KCNMB3: variants seen among roughly 807,000 people sequenced by gnomAD.
KCNMB3 encodes the protein potassium calcium-activated channel subfamily M regulatory beta subunit 3, also known as calcium-activated potassium channel subunit beta-3.
A neutral mutation model predicts 11.9 loss-of-function variants in KCNMB3; 18 were observed. The ratio of observed to expected loss-of-function variants is 1.51; its 90% confidence interval spans 1.04 to 2.23. The LOEUF (loss-of-function observed/expected upper bound fraction) is 2.23. Ranked by LOEUF, KCNMB3 falls within the 30% of genes most tolerant of loss-of-function variation. The pLI is 0.00. For missense variants in KCNMB3, 247 were observed against 329.4 expected (o/e 0.75, Z 1.94); for synonymous variants, 78 against 119.2 (o/e 0.65, Z 2.25).
chr3:179,259,678 C>A, intron 1 of KCNMB3: 1 of 1,606,068 alleles, frequency 6.2e-7, no homozygotes, highest in Non-Finnish European at 8.5e-7. Context: ...TTTTAAACAT[C>A]TTTAAGGGTT....
At chr3:179,260,810 C>G (rs984299668) in intron 1 of KCNMB3, 31 of 1,337,784 alleles carry the variant, frequency 2.3e-5, no homozygotes, top group African/African-American at 4.4e-5. Flanking sequence ...TTCGTACTGC[C>G]GCCTATATTC....
upstream of KCNMB3, among the ~76,000 whole-genome samples, chr3:179,252,546 T>C (rs916616172): frequency 6.6e-6 from 1 of 152,092 alleles, no homozygotes; most frequent in Non-Finnish European, 1.5e-5. Flanking sequence ...ATCCAGAATG[T>C]TCCAAGAGCC....
In KCNMB3 at chr3:179,244,476, T is replaced by C. The variant is rs773184469; in HGVS notation, c.447+19A>G. ...AGGGAAGGGTTGCTGTCATAAGAAC[T>C]CTTTAAACTTTACAATACCTTGGGA... On this transcript the variant is annotated intron_variant, in intron 2 of 2. Transcript: ENST00000392685. The C allele has an allele frequency of 8.7e-6, 14 of 1,604,444 alleles. No homozygotes were observed. Among genetic ancestry groups the C allele is most frequent in the East Asian group, 4.5e-5 (2 of 44,842 alleles).
chr3:179,255,837 GT>G (rs1391466552), upstream of KCNMB3, among the ~76,000 whole-genome samples: 8 of 152,162 alleles, frequency 5.3e-5, no homozygotes, highest in African/African-American at 1.9e-4. Flanking sequence ...TAACTTCAAA[GT>G]AATGACAATT....
chr3:179,249,852 G>A (rs1281087946), intron 1 of KCNMB3, among the ~76,000 whole-genome samples: 1 of 152,132 alleles, frequency 6.6e-6, no homozygotes, highest in Non-Finnish European at 1.5e-5. Context: ...TGGACACCTA[G>A]AGGGGAGCAA....
chr3:179,261,012 T>C (rs1576964208), intron 1 of KCNMB3: 1 of 975,682 alleles, frequency 1.0e-6, no homozygotes, highest in East Asian at 2.4e-5. Flanking sequence ...GTGTCTCCGC[T>C]GCCTCTCTGA....
rs560812084 is a variant in KCNMB3, at chr3:179,248,633, C to T, written c.248+2110G>A. Among the ~76,000 whole-genome samples, 8 of 150,854 alleles carry T rather than the reference C, an allele frequency of 5.3e-5. No individual in the cohort carries two copies. In the East Asian group the frequency reaches 1.6e-3, roughly 30 times the overall value. ...GTCCCAGCTACTTGGGAGGCTGAGG[C>T]AGGAGGATCGCCTGAGCCCAGGAGG... On this transcript the variant is annotated intron_variant, in intron 1 of 2. Transcript: ENST00000392685.
chr3:179,249,606 G>A (rs1178950196), intron 1 of KCNMB3, among the ~76,000 whole-genome samples: 1 of 152,148 alleles, frequency 6.6e-6, no homozygotes, highest in Admixed American at 6.5e-5. Flanking sequence ...TCGGGAGGCA[G>A]AGGTTGCAGT....
chr3:179,255,139 T>C (rs1274511733), upstream of KCNMB3, among the ~76,000 whole-genome samples: 2 of 150,050 alleles, frequency 1.3e-5, no homozygotes, highest in Non-Finnish European at 3.0e-5. Flanking sequence ...CACTTCAGTC[T>C]GGGCAACAGA....
intron 1 of KCNMB3, among the ~76,000 whole-genome samples, chr3:179,248,184 A>T (rs1024422142): frequency 1.3e-4 from 20 of 152,200 alleles, no homozygotes; most frequent in African/African-American, 4.8e-4. Flanking sequence ...GGCTATGTGA[A>T]CTTGGGCAAG....
At chr3:179,266,816 G>C (rs1726383064) in exon 1 of KCNMB3, 2 of 1,476,992 alleles carry the variant, frequency 1.4e-6, no homozygotes, top group Non-Finnish European at 1.8e-6. Context: ...CCCAGCGGGA[G>C]CCCCCAGCCC....
At chr3:179,252,624 A>G (rs1725883254), upstream of KCNMB3, among the ~76,000 whole-genome samples, 3 of 151,834 alleles carry the variant, frequency 2.0e-5, no homozygotes, top group Admixed American at 2.0e-4. Context: ...GGACCCGAGG[A>G]TCTAGTTTAG....
intron 1 of KCNMB3, among the ~76,000 whole-genome samples, chr3:179,264,353 G>A (rs4854983): frequency 0.16 from 24,450 of 151,320 alleles, 4,229 homozygotes; most frequent in African/African-American, 0.44. Flanking sequence ...TAACTTTGTT[G>A]TATTTACAAG....
chr3:179,240,343 T>C (rs1725422261), downstream of KCNMB3: 1 of 323,648 alleles, frequency 3.1e-6, no homozygotes, highest in East Asian at 5.7e-5. Flanking sequence ...TTTACTTCCT[T>C]TAAGCATAAA....
At chr3:179,249,809 A>G (rs1382495668) in intron 1 of KCNMB3, among the ~76,000 whole-genome samples, 3 of 152,352 alleles carry the variant, frequency 2.0e-5, no homozygotes, top group Admixed American at 6.5e-5. Context: ...GAATGTTCTC[A>G]CTTAAAAGTG....
downstream of KCNMB3, chr3:179,241,039 T>G (rs1374879121): frequency 6.6e-6 from 1 of 152,274 alleles, no homozygotes. Flanking sequence ...CCAAGAGAAC[T>G]CAGGTAGGGG....
At chr3:179,244,830 G>A (rs1288699858) in intron 1 of KCNMB3, 137 bp from the exon 2 acceptor site, 1 of 730,200 alleles carries the variant, frequency 1.4e-6, no homozygotes, top group Admixed American at 2.6e-5. Flanking sequence ...GGTGGTGCAG[G>A]ATCCTTACAG....
intron 1 of KCNMB3, chr3:179,258,960 G>A (rs1726111256): frequency 6.2e-7 from 1 of 1,613,948 alleles, no homozygotes; most frequent in Admixed American, 1.7e-5. Context: ...TGGCAGTGGA[G>A]AGAAAAGAGC....
chr3:179,244,843 G>A (rs1206202298), intron 1 of KCNMB3, 150 bp from the exon 2 acceptor site: 6 of 695,200 alleles, frequency 8.6e-6, no homozygotes, highest in Non-Finnish European at 1.5e-5. Context: ...CCTTACAGCA[G>A]GCACATAATA....
Sources: gnomAD v4.1 joint callset for allele counts (sites outside exome capture counted in the v4.1 genomes callset) on GRCh38, gnomAD v4.1.1 for gene constraint, MANE v1.5 for transcripts, NCBI Gene and HGNC (gene_info 2026-07-23, HGNC 2026-07-21) for gene names.